LIPC: variants seen among roughly 807,000 people sequenced by gnomAD.
LIPC encodes hepatic triacylglycerol lipase.
A neutral mutation model predicts 50.7 loss-of-function variants in LIPC; 44 were observed. The ratio of observed to expected loss-of-function variants is 0.87; its 90% CI spans 0.68 to 1.11. LIPC has a LOEUF of 1.11. Among genes scored for constraint, LIPC ranks in the 50% most tolerant of loss-of-function variants. LIPC has a pLI of 0.00. For missense variants in LIPC, 697 were observed against 648.2 expected (o/e 1.08, Z -0.82); for synonymous variants, 271 against 256.4 (o/e 1.06, Z -0.54).
chr15:58,569,326 T>C lies in LIPC; in HGVS notation c.*499T>C, dbSNP rs1160942125. The C allele has an allele frequency of 6.6e-6, 1 of 152,266 alleles. No individual in the cohort carries two copies. Among genetic ancestry groups the C allele is most frequent in the Non-Finnish European group, 1.5e-5 (1 of 68,072 alleles). The allele number at this position is 152,266 out of a possible 1,614,324, so 9.4% of individuals were successfully genotyped here. A position where few individuals can be genotyped will look rare whatever the true frequency, so the allele number is the denominator to read the frequency against. On this transcript the variant is annotated 3_prime_UTR_variant, in exon 9 of 9. Transcript: ENST00000299022. ...AAAAGAAGAAAAATTATAATTATTC[T>C]AATATTTATACAAATCATATAACGA...
In LIPC at chr15:58,494,996, G is replaced by A. The variant is rs532881342; in HGVS notation, c.89-43337G>A. On this transcript the variant is annotated intron_variant, in intron 1 of 8. Transcript: ENST00000299022. ...TTGATCCAACATCAACCGTTCCACCGGTCCTTCCCTCCCCTGCCCCCTTAC... is the reference window on the plus strand; with the variant it reads ...TTGATCCAACATCAACCGTTCCACCAGTCCTTCCCTCCCCTGCCCCCTTAC... 65 of 408,578 alleles carry A rather than the reference G, an allele frequency of 1.6e-4. No homozygotes were observed. In the East Asian group the frequency reaches 4.3e-3, roughly 27 times the overall value. The allele number at this position is 408,578 out of a possible 1,614,324, so 25.3% of individuals were successfully genotyped here.
At chr15:58,560,779 T>C in intron 6 of LIPC, 85 bp from the exon 7 acceptor site, 2 of 716,230 alleles carry the variant, frequency 2.8e-6, no homozygotes, top group Admixed American at 2.1e-5. Flanking sequence ...CTCTGCATGT[T>C]TAAATTTTAA....
chr15:58,445,883 T>C lies in LIPC; in HGVS notation c.88+13763T>C, dbSNP rs187678996. Among the ~76,000 whole-genome samples, 542 of 152,332 alleles carry C rather than the reference T, an allele frequency of 3.6e-3. 1 individual carries two copies. Among genetic ancestry groups the C allele is most frequent in the Middle Eastern group, 0.014 (4 of 294 alleles). Reference sequence around the variant, plus strand: ...GTCACAAAACTAACGTGTGTACGCATCTATTTACTAAATAGTCATATAATA... The same window carrying C: ...GTCACAAAACTAACGTGTGTACGCACCTATTTACTAAATAGTCATATAATA... On this transcript the variant is annotated intron_variant, in intron 1 of 8. Transcript: ENST00000299022.
At position 58,536,082 on chromosome 15, in the gene LIPC, G is replaced by A. The variant is rs763079617; in HGVS notation, c.89-2251G>A. Among the ~76,000 whole-genome samples, 24 of 152,282 alleles carry A rather than the reference G, an allele frequency of 1.6e-4. 1 individual carries two copies. Among genetic ancestry groups the A allele is most frequent in the East Asian group, 5.8e-4 (3 of 5,176 alleles). Reference sequence around the variant, plus strand: ...CACACCTGGATAAATAAATCACCCCGCTGCAGGGCAAGTGTATTAGGATCA... The same window carrying A: ...CACACCTGGATAAATAAATCACCCCACTGCAGGGCAAGTGTATTAGGATCA... On this transcript the variant is annotated intron_variant, in intron 1 of 8. Transcript: ENST00000299022.
intron 1 of LIPC, among the ~76,000 whole-genome samples, chr15:58,449,779 A>AT (rs1177487984): frequency 5.3e-5 from 8 of 152,086 alleles, no homozygotes; most frequent in African/African-American, 1.7e-4. Flanking sequence ...ACTTCAAGAG[A>AT]TCCCCCCTCC....
chr15:58,527,137 T>G (rs1322198381), intron 1 of LIPC, among the ~76,000 whole-genome samples: 1 of 152,242 alleles, frequency 6.6e-6, no homozygotes, highest in Non-Finnish European at 1.5e-5. Context: ...GGGGAAATAG[T>G]GCACATGCCC....
intron 1 of LIPC, among the ~76,000 whole-genome samples, chr15:58,487,147 T>G (rs1891406550): frequency 6.6e-6 from 1 of 152,206 alleles, no homozygotes; most frequent in African/African-American, 2.4e-5. Flanking sequence ...CCCCATACTT[T>G]CAAGTACTTA....
chr15:58,500,657 G>A (rs1042589674), intron 1 of LIPC, among the ~76,000 whole-genome samples: 44 of 152,270 alleles, frequency 2.9e-4, no homozygotes, highest in African/African-American at 9.1e-4. Flanking sequence ...CTGACCTTGA[G>A]CAGATAGATT....
intron 8 of LIPC, chr15:58,565,368 G>A: frequency 6.6e-7 from 1 of 1,515,376 alleles, no homozygotes; most frequent in South Asian, 1.2e-5. Context: ...CATGTGGCTT[G>A]ACCTGAAAGG....
intron 7 of LIPC, among the ~76,000 whole-genome samples, chr15:58,562,805 A>ACCCCCCCCCCCCACCCCCCCCTCCACCTG (rs10684025): frequency 7.1e-6 from 1 of 141,458 alleles, no homozygotes; most frequent in African/African-American, 2.7e-5. Flanking sequence ...CACACAAGGG[A>ACCCCCCCCCCCCACCCCCCCCTCCACCTG]CCCCCCCCCA....
chr15:58,460,736 G>A (rs1251769802), intron 1 of LIPC, among the ~76,000 whole-genome samples: 1 of 152,200 alleles, frequency 6.6e-6, no homozygotes, highest in Non-Finnish European at 1.5e-5. Context: ...GGAGAGTTTA[G>A]AGAAGCTCTG....
intron 1 of LIPC, among the ~76,000 whole-genome samples, chr15:58,517,189 C>T (rs544240334): frequency 6.6e-6 from 1 of 152,374 alleles, no homozygotes. Context: ...AACTGCCTCA[C>T]CTCACTCTCC....
chr15:58,473,056 A>T (rs1025885164), intron 1 of LIPC, among the ~76,000 whole-genome samples: 1 of 152,104 alleles, frequency 6.6e-6, no homozygotes, highest in Non-Finnish European at 1.5e-5. Flanking sequence ...ACAGCTGGGG[A>T]GGGGGAGGAC....
chr15:58,464,552 G>A lies in LIPC; in HGVS notation c.88+32432G>A, dbSNP rs1894468993. On this transcript the variant is annotated intron_variant, in intron 1 of 8. Coordinates refer to ENST00000299022, the MANE Select transcript of LIPC (RefSeq NM_000236.3). Reference sequence around the variant, plus strand: ...TTAGTTGCTATTCATCACAGCTTATGCCAGTCCTTGAATTCTGTCTAACTT... The same window carrying A: ...TTAGTTGCTATTCATCACAGCTTATACCAGTCCTTGAATTCTGTCTAACTT... Among the ~76,000 whole-genome samples, 6 of 152,336 alleles carry A rather than the reference G, an allele frequency of 3.9e-5. No individual in the cohort carries two copies. The South Asian group carries it at 8.3e-4, about 21-fold the overall frequency.
intron 1 of LIPC, among the ~76,000 whole-genome samples, chr15:58,484,280 G>T (rs1471419048): frequency 1.3e-5 from 2 of 152,130 alleles, no homozygotes; most frequent in African/African-American, 4.8e-5. Context: ...AATCCACTGT[G>T]TGCTAGGCAC....
At chr15:58,519,328 G>A (rs562807179) in intron 1 of LIPC, among the ~76,000 whole-genome samples, 3 of 151,386 alleles carry the variant, frequency 2.0e-5, no homozygotes, top group Admixed American at 6.6e-5. Context: ...GGAGAATGGC[G>A]TGAACCCGGG....
intron 1 of LIPC, among the ~76,000 whole-genome samples, chr15:58,433,755 T>C (rs1337320093): frequency 6.6e-6 from 1 of 152,226 alleles, no homozygotes; most frequent in Non-Finnish European, 1.5e-5. Context: ...CTGATCAGCC[T>C]GCTTCTTTCC....
intron 6 of LIPC, among the ~76,000 whole-genome samples, chr15:58,553,171 C>A (rs776057904): frequency 6.6e-6 from 1 of 152,156 alleles, no homozygotes; most frequent in Non-Finnish European, 1.5e-5. Context: ...TCTGTCTATC[C>A]GTTGAGGGCC....
At chr15:58,503,516 C>T (rs550016507) in intron 1 of LIPC, among the ~76,000 whole-genome samples, 2 of 152,294 alleles carry the variant, frequency 1.3e-5, no homozygotes, top group South Asian at 2.1e-4. Flanking sequence ...GGCAGCACCT[C>T]GCATCTGATA....
Sources: gnomAD v4.1 joint callset for allele counts (sites outside exome capture counted in the v4.1 genomes callset) on GRCh38, gnomAD v4.1.1 for gene constraint, MANE v1.5 for transcripts, NCBI Gene and HGNC (gene_info 2026-07-23, HGNC 2026-07-21) for gene names.